Variants in RANBP2 observed in about 807,000 individuals in gnomAD.
The protein encoded by RANBP2 is E3 SUMO-protein ligase RanBP2.
A neutral mutation model predicts 303.6 loss-of-function variants in RANBP2; 57 were observed. That is an observed-to-expected ratio of 0.19 (90% CI 0.15 to 0.23). The LOEUF is 0.23. RANBP2 is among the 10% of genes least tolerant of loss of function. The probability of loss-of-function intolerance (pLI) is 1.00; values close to 1 mark genes in which losing one functional copy is unlikely to be tolerated. For missense variants in RANBP2, 3,138 were observed against 3,780.8 expected (o/e 0.83, Z 4.46); for synonymous variants, 1,167 against 1,301.5 (o/e 0.90, Z 2.23).
rs2949960 is a variant in RANBP2 at position 108,768,462 on chromosome 2, A to G, written c.7849+74A>G. The stretch of plus-strand genomic sequence containing the variant: ...GTTTAGCTTGATGCAGACTCTTTGT[A>G]GGATACTAATGTTGGGATATAAATG... On this transcript the variant is annotated intron_variant, in intron 20 of 28. Transcript: ENST00000283195. The G allele has an allele frequency of 7.0e-3, 11,116 of 1,598,532 alleles. 548 individuals carry two copies. The African/African-American group carries it at 0.12, about 17-fold the overall frequency.
At chr2:108,725,552 G>T (rs1694632632) in intron 1 of RANBP2, among the ~76,000 whole-genome samples, 2 of 152,156 alleles carry the variant, frequency 1.3e-5, no homozygotes, top group South Asian at 4.1e-4. Flanking sequence ...ACAAGGTCAA[G>T]AGATCGAGAC....
the RANBP2 span, among the ~76,000 whole-genome samples, chr2:108,925,279 C>T: frequency 2.6e-5 from 4 of 152,336 alleles, no homozygotes; most frequent in South Asian, 4.1e-4. Context: ...AGTTCTTCTC[C>T]GTGGAACTTT....
chr2:108,745,597 CTT>C (rs4012074), intron 7 of RANBP2, among the ~76,000 whole-genome samples: 10,586 of 147,446 alleles, frequency 0.072, 1,257 homozygotes, highest in African/African-American at 0.24. Flanking sequence ...ATTCATCATG[CTT>C]TTTTTTTTTC....
the RANBP2 span, among the ~76,000 whole-genome samples, chr2:109,053,203 T>C: frequency 6.6e-6 from 1 of 152,302 alleles, no homozygotes; most frequent in Admixed American, 6.5e-5. Context: ...CAGCAACATC[T>C]GCACTTCCAA....
At chr2:109,064,702 C>CTGAGTAAAACCTTCTGG in the RANBP2 span, among the ~76,000 whole-genome samples, 1 of 152,106 alleles carries the variant, frequency 6.6e-6, no homozygotes, top group Non-Finnish European at 1.5e-5. Flanking sequence ...ATATTCTTTT[C>CTGAGTAAAACCTTCTGG]TGAGTAAAAC....
chr2:109,059,105 G>A, the RANBP2 span, among the ~76,000 whole-genome samples: 23 of 152,150 alleles, frequency 1.5e-4, no homozygotes, highest in African/African-American at 5.6e-4. Context: ...GCGGGGGTGG[G>A]GAAGGGGAGT....
At chr2:109,356,840 G>A in the RANBP2 span, among the ~76,000 whole-genome samples, 1 of 152,236 alleles carries the variant, frequency 6.6e-6, no homozygotes, top group African/African-American at 2.4e-5. Context: ...TGGTAATGAT[G>A]TCAAAGCTTA....
At chr2:108,761,282 A>G (rs1438497563) in intron 18 of RANBP2, among the ~76,000 whole-genome samples, 1 of 150,898 alleles carries the variant, frequency 6.6e-6, no homozygotes, top group Non-Finnish European at 1.5e-5. Flanking sequence ...TCCAAAATCA[A>G]ACTTGGGCTT....
chr2:109,210,986 C>T, the RANBP2 span, among the ~76,000 whole-genome samples: 4 of 152,184 alleles, frequency 2.6e-5, no homozygotes, highest in Non-Finnish European at 4.4e-5. Context: ...GGTGCACACC[C>T]GCTCTGCTCA....
At chr2:108,779,604 A>C (rs1678103512) in intron 25 of RANBP2, among the ~76,000 whole-genome samples, 1 of 152,136 alleles carries the variant, frequency 6.6e-6, no homozygotes, top group East Asian at 1.9e-4. Flanking sequence ...TTTTAGCAGA[A>C]GGTGTAGGGT....
chr2:109,231,440 C>T, the RANBP2 span, among the ~76,000 whole-genome samples: 5 of 152,228 alleles, frequency 3.3e-5, no homozygotes, highest in South Asian at 4.1e-4. Context: ...TTGCTTTTCT[C>T]GTGCAGACCA....
At chr2:109,734,033 G>A in the RANBP2 span, among the ~76,000 whole-genome samples, 1 of 151,934 alleles carries the variant, frequency 6.6e-6, no homozygotes, top group African/African-American at 2.4e-5. Context: ...GCAAAAATTA[G>A]TCTGGCATGA....
At chr2:109,466,744 T>G in the RANBP2 span, among the ~76,000 whole-genome samples, 1 of 152,232 alleles carries the variant, frequency 6.6e-6, no homozygotes, top group Non-Finnish European at 1.5e-5. Context: ...TCTGAGTGTG[T>G]GCATTTGTGT....
chr2:109,272,986 T>C, the RANBP2 span, among the ~76,000 whole-genome samples: 1 of 152,156 alleles, frequency 6.6e-6, no homozygotes, highest in Non-Finnish European at 1.5e-5. Flanking sequence ...CTGGAAGAAA[T>C]TAAAACAGGG....
the RANBP2 span, among the ~76,000 whole-genome samples, chr2:109,180,726 C>G: frequency 6.6e-6 from 1 of 152,186 alleles, no homozygotes; most frequent in Non-Finnish European, 1.5e-5. Context: ...CATTGTGAGG[C>G]TTCCCCAGCC....
At chr2:109,682,303 T>A in the RANBP2 span, among the ~76,000 whole-genome samples, 2 of 152,222 alleles carry the variant, frequency 1.3e-5, no homozygotes, top group Admixed American at 6.5e-5. Flanking sequence ...TGTTTTAGTA[T>A]AAGTATTTCC....
the RANBP2 span, among the ~76,000 whole-genome samples, chr2:109,248,106 A>C: frequency 2.0e-5 from 3 of 152,238 alleles, no homozygotes; most frequent in East Asian, 5.8e-4. Flanking sequence ...TCTACAATCC[A>C]CCACAAAGTC....
At chr2:109,713,818 G>A in the RANBP2 span, among the ~76,000 whole-genome samples, 1 of 152,196 alleles carries the variant, frequency 6.6e-6, no homozygotes, top group Non-Finnish European at 1.5e-5. Context: ...TCGAATGATC[G>A]AAAGCTTTCC....
At chr2:108,854,841 A>G in the RANBP2 span, among the ~76,000 whole-genome samples, 1 of 152,176 alleles carries the variant, frequency 6.6e-6, no homozygotes, top group Non-Finnish European at 1.5e-5. Flanking sequence ...TTAAGTTACA[A>G]GTTTAGCCCA....
Sources: allele counts gnomAD v4.1 joint callset (sites outside exome capture counted in the v4.1 genomes callset), GRCh38; gene constraint gnomAD v4.1.1; transcripts MANE v1.5; gene names NCBI Gene and HGNC (gene_info 2026-07-23, HGNC 2026-07-21).